The following RBFOX2 variants were observed in gnomAD, a reference collection of about 807,000 sequenced individuals.
RBFOX2 encodes the protein RNA binding protein fox-1 homolog 2.
A neutral mutation model predicts 49.1 loss-of-function variants in RBFOX2; 10 were observed. That is an observed-to-expected ratio of 0.20 (90% CI 0.13 to 0.35). RBFOX2 has a LOEUF of 0.35. Among genes scored for constraint, RBFOX2 ranks in the 10% least tolerant of loss-of-function variants. The probability of loss-of-function intolerance (pLI) is 1.00; values close to 1 mark genes in which losing one functional copy is unlikely to be tolerated. For missense variants in RBFOX2, 323 were observed against 486.9 expected, an observed-to-expected ratio of 0.66 and a Z score of 3.17; for synonymous variants, 183 against 187.4, an observed-to-expected ratio of 0.98 and a Z score of 0.19.
At chr22:35,814,710 CA>C (rs55971445) in intron 1 of RBFOX2, among the ~76,000 whole-genome samples, 3,452 of 31,036 alleles carry the variant, frequency 0.11, 15 homozygotes, top group African/African-American at 0.2. Context: ...AACCCTGTCT[CA>C]AAAAAAAAAA....
intron 2 of RBFOX2, among the ~76,000 whole-genome samples, chr22:35,800,377 G>A (rs544097449): frequency 3.5e-4 from 54 of 152,238 alleles, no homozygotes; most frequent in South Asian, 1.2e-3. Flanking sequence ...CTTTAATAAA[G>A]TCCATATTTC....
intron 1 of RBFOX2, among the ~76,000 whole-genome samples, chr22:35,857,343 T>C (rs1012231387): frequency 5.9e-5 from 9 of 152,132 alleles, no homozygotes; most frequent in Non-Finnish European, 1.0e-4. Context: ...AGATGACTAA[T>C]GCAAAAAATA....
At chr22:35,862,589 C>A (rs1013516919) in intron 1 of RBFOX2, among the ~76,000 whole-genome samples, 5 of 152,126 alleles carry the variant, frequency 3.3e-5, no homozygotes, top group Admixed American at 6.5e-5. Flanking sequence ...TTCAGGAGGG[C>A]AGGTACTACA....
intron 1 of RBFOX2, among the ~76,000 whole-genome samples, chr22:35,956,964 T>C (rs2149901560): frequency 6.6e-6 from 1 of 152,310 alleles, no homozygotes; most frequent in East Asian, 1.9e-4. Context: ...GTTAAGTGTT[T>C]GGTGGTGAAG....
intron 1 of RBFOX2, among the ~76,000 whole-genome samples, chr22:35,859,705 A>G (rs1275770422): frequency 6.6e-6 from 1 of 152,164 alleles, no homozygotes; most frequent in Non-Finnish European, 1.5e-5. Context: ...AAATCAGTAA[A>G]TGGATAGGAC....
intron 1 of RBFOX2, among the ~76,000 whole-genome samples, chr22:35,948,910 T>C (rs2054607970): frequency 6.6e-6 from 1 of 152,128 alleles, no homozygotes; most frequent in Admixed American, 6.5e-5. Context: ...CCTCCATCCA[T>C]CTCCAGAACT....
At chr22:35,947,034 A>C (rs2054356978) in intron 1 of RBFOX2, among the ~76,000 whole-genome samples, 1 of 152,170 alleles carries the variant, frequency 6.6e-6, no homozygotes, top group Non-Finnish European at 1.5e-5. Context: ...TCTACTAAAA[A>C]TACAAAATTA....
intron 3 of RBFOX2, among the ~76,000 whole-genome samples, chr22:35,779,977 C>A (rs1460436534): frequency 1.3e-5 from 2 of 152,124 alleles, no homozygotes; most frequent in African/African-American, 4.8e-5. Context: ...TCTCACAGAC[C>A]TCCAGAGACT....
intron 4 of RBFOX2, among the ~76,000 whole-genome samples, chr22:35,770,407 T>G (rs555739827): frequency 3.3e-5 from 5 of 152,198 alleles, no homozygotes; most frequent in Admixed American, 3.3e-4. Context: ...ATTAGCATTA[T>G]GACTATATCT....
At chr22:35,979,496 C>T (rs2057356174) in intron 1 of RBFOX2, among the ~76,000 whole-genome samples, 1 of 152,114 alleles carries the variant, frequency 6.6e-6, no homozygotes, top group South Asian at 2.1e-4. Flanking sequence ...ACATCTGCAG[C>T]TTGCTCTCAA....
intron 1 of RBFOX2, among the ~76,000 whole-genome samples, chr22:35,892,047 C>T (rs2047309794): frequency 6.6e-6 from 1 of 152,146 alleles, no homozygotes. Flanking sequence ...GAAAACACTT[C>T]GGAGTGGTGA....
At chr22:35,850,193 T>TACATACACAC (rs2041763268) in intron 1 of RBFOX2, among the ~76,000 whole-genome samples, 1 of 132,520 alleles carries the variant, frequency 7.5e-6, no homozygotes, top group African/African-American at 2.9e-5. Flanking sequence ...CTCTCTCTCA[T>TACATACACAC]ACACACACAC....
intron 2 of RBFOX2, among the ~76,000 whole-genome samples, chr22:35,794,575 G>A (rs771848009): frequency 4.0e-5 from 6 of 151,704 alleles, no homozygotes; most frequent in Non-Finnish European, 7.4e-5. Context: ...AGAGAATGGC[G>A]TGAACCCGGG....
chr22:35,835,981 T>C (rs1957583341), intron 1 of RBFOX2, among the ~76,000 whole-genome samples: 1 of 151,160 alleles, frequency 6.6e-6, no homozygotes, highest in South Asian at 2.1e-4. Flanking sequence ...ATAAATTCAG[T>C]CTCCAACCCA....
intron 1 of RBFOX2, chr22:35,992,533 A>G (rs942338511): frequency 4.6e-5 from 7 of 151,896 alleles, no homozygotes; most frequent in Admixed American, 2.6e-4. Flanking sequence ...AAAACACCAG[A>G]AAAAAAATGA....
chr22:35,870,620 T>C (rs944300712), intron 1 of RBFOX2, among the ~76,000 whole-genome samples: 5 of 152,208 alleles, frequency 3.3e-5, no homozygotes, highest in Admixed American at 2.6e-4. Context: ...GCTTGATTTA[T>C]ATAGAACATA....
intron 1 of RBFOX2, among the ~76,000 whole-genome samples, chr22:35,912,460 C>G (rs1414165196): frequency 2.6e-5 from 4 of 152,154 alleles, no homozygotes; most frequent in Non-Finnish European, 4.4e-5. Context: ...ATTACTTAAC[C>G]TTTAAGGCCT....
intron 1 of RBFOX2, among the ~76,000 whole-genome samples, chr22:35,910,088 T>A (rs920821689): frequency 1.3e-5 from 2 of 152,244 alleles, no homozygotes; most frequent in African/African-American, 2.4e-5. Context: ...TTAACTTTTA[T>A]ACTTAAAATG....
At chr22:35,846,262 CTA>C (rs937477537) in intron 1 of RBFOX2, among the ~76,000 whole-genome samples, 1 of 147,620 alleles carries the variant, frequency 6.8e-6, no homozygotes, top group South Asian at 2.1e-4. Context: ...TAAGTATAAA[CTA>C]TATAAGTTAA....
Sources: allele counts gnomAD v4.1 joint callset (sites outside exome capture counted in the v4.1 genomes callset), GRCh38; gene constraint gnomAD v4.1.1; transcripts MANE v1.5; gene names NCBI Gene and HGNC (gene_info 2026-07-23, HGNC 2026-07-21).